TRIM36: variants seen among roughly 807,000 people sequenced by gnomAD.
TRIM36 encodes the protein E3 ubiquitin-protein ligase TRIM36.
A neutral mutation model predicts 72.4 loss-of-function variants in TRIM36; 42 were observed. That is an observed-to-expected ratio of 0.58 (90% CI 0.45 to 0.75). The LOEUF is 0.75. Ranked by LOEUF, TRIM36 falls within the 30% of genes least tolerant of loss-of-function variation. TRIM36 has a pLI of 0.00. For missense variants in TRIM36, 913 were observed against 857.1 expected, an observed-to-expected ratio of 1.07 and a Z score of -0.81; for synonymous variants, 315 against 282.8, an observed-to-expected ratio of 1.11 and a Z score of -1.14.
intron 1 of TRIM36, among the ~76,000 whole-genome samples, chr5:115,175,233 C>T (rs905529110): frequency 2.6e-5 from 4 of 151,984 alleles, no homozygotes; most frequent in African/African-American, 4.8e-5. Context: ...ACCTCCACTT[C>T]TTAATGATCA....
At chr5:115,136,296 T>C (rs6881678) in intron 7 of TRIM36, among the ~76,000 whole-genome samples, 13 of 152,148 alleles carry the variant, frequency 8.5e-5, no homozygotes, top group African/African-American at 3.1e-4. Flanking sequence ...TAGATCTCTC[T>C]CACACACACA....
chr5:115,136,653 T>C (rs529822339), intron 7 of TRIM36, among the ~76,000 whole-genome samples: 27 of 152,196 alleles, frequency 1.8e-4, no homozygotes, highest in Middle Eastern at 3.4e-3. Context: ...AGTAGGAAAA[T>C]GATTTACTTA....
At chr5:115,143,222 CAAAAAAAAAAAAAA>C (rs59083853) in intron 4 of TRIM36, among the ~76,000 whole-genome samples, 4 of 57,488 alleles carry the variant, frequency 7.0e-5, no homozygotes, top group African/African-American at 2.4e-4. Flanking sequence ...ACCAGCCAGA[CAAAAAAAAAAAAAA>C]AAAAAAAAAA....
chr5:115,179,345 T>C (rs1454554844), intron 1 of TRIM36, among the ~76,000 whole-genome samples: 1 of 152,170 alleles, frequency 6.6e-6, no homozygotes, highest in African/African-American at 2.4e-5. Flanking sequence ...GGTGTGGGGC[T>C]GAAATCCCGC....
intron 4 of TRIM36, among the ~76,000 whole-genome samples, 195 bp downstream of exon 4, chr5:115,144,403 G>A (rs747198193): frequency 1.4e-4 from 21 of 151,922 alleles, no homozygotes; most frequent in Non-Finnish European, 1.9e-4. Context: ...AATATATGCC[G>A]GGCCTTATCA....
chr5:115,150,272 G>A (rs567018705), intron 2 of TRIM36, among the ~76,000 whole-genome samples: 2 of 152,244 alleles, frequency 1.3e-5, no homozygotes, highest in South Asian at 4.1e-4. Context: ...TACTTTCCAT[G>A]GCTGTGTCAT....
upstream of TRIM36, among the ~76,000 whole-genome samples, chr5:115,172,538 C>T (rs1034838753): frequency 2.0e-5 from 3 of 152,100 alleles, no homozygotes; most frequent in African/African-American, 7.2e-5. Context: ...GAATTCGAGA[C>T]CAGCCTGGCC....
chr5:115,152,741 G>C (rs1753961795), intron 2 of TRIM36, among the ~76,000 whole-genome samples: 1 of 152,072 alleles, frequency 6.6e-6, no homozygotes, highest in South Asian at 2.1e-4. Flanking sequence ...TATCAGCCAA[G>C]AATTTTATAC....
chr5:115,180,062 G>C lies in TRIM36; in HGVS notation c.-25C>G, dbSNP rs375322801. The C allele has an allele frequency of 2.4e-5, 39 of 1,607,772 alleles. No homozygotes were observed. The Admixed American group carries it at 2.5e-4, about 10-fold the overall frequency. ...TGTTTACACCCCTTCACAAACTCTGGAGGACCGACGCGGGTGTATCGAATT... is the reference window on the plus strand; with the variant it reads ...TGTTTACACCCCTTCACAAACTCTGCAGGACCGACGCGGGTGTATCGAATT... On this transcript the variant is annotated 5_prime_UTR_variant, in exon 1 of 10. Transcript: ENST00000282369.
At chr5:115,172,106 C>T (rs1755141672), upstream of TRIM36, among the ~76,000 whole-genome samples, 1 of 152,116 alleles carries the variant, frequency 6.6e-6, no homozygotes, top group African/African-American at 2.4e-5. Flanking sequence ...TTTAATAATT[C>T]ACCAAGTAAT....
intron 4 of TRIM36, 117 bp from the exon 5 acceptor site, chr5:115,141,491 TA>T: frequency 1.9e-6 from 1 of 533,556 alleles, no homozygotes; most frequent in Non-Finnish European, 3.2e-6. Flanking sequence ...ATAAACATAA[TA>T]AAATCAACTA....
chr5:115,171,343 G>T (rs1755109224), upstream of TRIM36: 1 of 1,394,458 alleles, frequency 7.2e-7, no homozygotes, highest in Non-Finnish European at 9.7e-7. Flanking sequence ...AATAATGCCT[G>T]GGCTGTTCTG....
At chr5:115,137,732 C>T in intron 5 of TRIM36, 116 bp from the exon 6 acceptor site, 1 of 1,173,978 alleles carries the variant, frequency 8.5e-7, no homozygotes, top group African/African-American at 1.5e-5. Context: ...TATGTGATGA[C>T]AGCATTATCA....
chr5:115,165,413 G>A (rs1754708747), intron 1 of TRIM36, among the ~76,000 whole-genome samples: 1 of 152,224 alleles, frequency 6.6e-6, no homozygotes, highest in African/African-American at 2.4e-5. Context: ...TCTAGGCAGA[G>A]GTTTCCAAAC....
upstream of TRIM36, among the ~76,000 whole-genome samples, chr5:115,174,693 C>G (rs1362819676): frequency 6.6e-6 from 1 of 152,092 alleles, no homozygotes; most frequent in African/African-American, 2.4e-5. Flanking sequence ...CATTGATTAT[C>G]TCCCTCTATT....
At chr5:115,159,957 C>T (rs1186404830) in intron 2 of TRIM36, among the ~76,000 whole-genome samples, 6 of 149,338 alleles carry the variant, frequency 4.0e-5, no homozygotes, top group Non-Finnish European at 8.9e-5. Flanking sequence ...GTAAATGTTG[C>T]AAATACAAAG....
chr5:115,168,695 A>G (rs1754919526), intron 1 of TRIM36, among the ~76,000 whole-genome samples: 1 of 152,238 alleles, frequency 6.6e-6, no homozygotes, highest in South Asian at 2.1e-4. Context: ...ACAGATTTGG[A>G]AATAAGATAA....
At chr5:115,140,947 T>C (rs561643504) in intron 5 of TRIM36, among the ~76,000 whole-genome samples, 1 of 152,190 alleles carries the variant, frequency 6.6e-6, no homozygotes, top group African/African-American at 2.4e-5. Flanking sequence ...TCTATTAATT[T>C]TTTAAAATAT....
chr5:115,129,637 T>C (rs2112766067), intron 9 of TRIM36, among the ~76,000 whole-genome samples: 1 of 152,298 alleles, frequency 6.6e-6, no homozygotes, highest in African/African-American at 2.4e-5. Context: ...ATATGAGCAC[T>C]GTAAAATAAT....
Sources: allele counts gnomAD v4.1 joint callset (sites outside exome capture counted in the v4.1 genomes callset), GRCh38; gene constraint gnomAD v4.1.1; transcripts MANE v1.5; gene names NCBI Gene and HGNC (gene_info 2026-07-23, HGNC 2026-07-21).